Variants in ITM2B observed in about 807,000 individuals in gnomAD.
ITM2B encodes the protein ABri/ADan amyloid peptide.
A neutral mutation model predicts 27.8 loss-of-function variants in ITM2B; 11 were observed. The ratio of observed to expected loss-of-function variants is 0.40; its 90% CI spans 0.25 to 0.66. ITM2B has a LOEUF of 0.66. Among genes scored for constraint, ITM2B ranks in the 30% least tolerant of loss-of-function variants. The probability of loss-of-function intolerance (pLI) is 0.43; values close to 1 mark genes in which losing one functional copy is unlikely to be tolerated. For missense variants in ITM2B, 296 were observed against 328.9 expected (o/e 0.90, Z 0.77); for synonymous variants, 114 against 114.3 (o/e 1.00, Z 0.02).
chr13:48,269,591 C>G lies in ITM2B; in HGVS notation c.*8367C>G, dbSNP rs1394519097. ...TACAGCCACACAGCTGCCTCACTTT[C>G]CTTTGAACGTACCAAGGGCAATCCT... On this transcript the variant is annotated 3_prime_UTR_variant, in exon 6 of 6. Transcript: ENST00000647800. The G allele has an allele frequency of 6.6e-6, 1 of 152,498 alleles. No individual in the cohort carries two copies. The highest frequency in any genetic ancestry group is 1.5e-5 in the Non-Finnish European group (1 of 68,214). The allele number at this position is 152,498 out of a possible 1,614,324, so 9.4% of individuals were successfully genotyped here.
rs1486656863 is a variant in ITM2B at position 48,265,551 on chromosome 13, A to C, written c.*4327A>C. 1 of 152,460 alleles carries C rather than the reference A, an allele frequency of 6.6e-6. No homozygotes were observed. Among genetic ancestry groups the C allele is most frequent in the African/African-American group, 2.4e-5 (1 of 41,416 alleles). 9.4% of individuals were successfully genotyped at this position (152,460 alleles called of 1,614,324 possible). The stretch of plus-strand genomic sequence containing the variant: ...GTTTCATTGTCACACCCCAGCTTAA[A>C]ACACTTTCCTGGCTTCCCCTGGTTC... On this transcript the variant is annotated 3_prime_UTR_variant, in exon 6 of 6. Transcript: ENST00000647800.
rs1303539566 is a variant in ITM2B, at chr13:48,261,871, C to CT, written c.*648dup. On this transcript the variant is annotated 3_prime_UTR_variant, in exon 6 of 6. Coordinates refer to ENST00000647800, the MANE Select transcript of ITM2B (RefSeq NM_021999.5). ...ATATAAATATCACAAAGTTGTTTAA[C>CT]TAGACTGCGTGTTGTTTTTCCCGTA... 1.3e-5 allele frequency: 2 copies of CT among 152,542 alleles called. No individual in the cohort carries two copies. The highest frequency in any genetic ancestry group is 2.9e-5 in the Non-Finnish European group (2 of 67,974). 9.4% of individuals were successfully genotyped at this position (152,542 alleles called of 1,614,324 possible).
rs528971441 is a variant in ITM2B, at chr13:48,243,984, A to G, written c.118-9824A>G. The stretch of plus-strand genomic sequence containing the variant: ...GTTTGAGTCAGTTTCCTTAAGCAGC[A>G]CATAGAGTCAAGATAATATTCAGAC... On this transcript the variant is annotated intron_variant, in intron 1 of 5. Transcript: ENST00000647800. Among the ~76,000 whole-genome samples the G allele has an allele frequency of 3.9e-5, 6 of 152,328 alleles. No individual in the cohort carries two copies. In the East Asian group the frequency reaches 1.2e-3, roughly 29 times the overall value.
At position 48,233,241 on chromosome 13, in the gene ITM2B, C is replaced by A; in HGVS notation, c.-120C>A. 1.7e-6 allele frequency: 1 copy of A among 585,164 alleles called. No individual in the cohort carries two copies. Among genetic ancestry groups the A allele is most frequent in the Non-Finnish European group, 2.9e-6 (1 of 346,228 alleles). 36.2% of individuals were successfully genotyped at this position (585,164 alleles called of 1,614,324 possible). ...TCTGCCGCCGCGGAGCTTCCCGAAC[C>A]TCTTCAGCCGCCCGGAGCCGCTCCC... On this transcript the variant is annotated 5_prime_UTR_variant, in exon 1 of 6. Coordinates refer to ENST00000647800, the MANE Select transcript of ITM2B (RefSeq NM_021999.5).
intron 3 of ITM2B, among the ~76,000 whole-genome samples, chr13:48,257,755 C>G (rs188748600): frequency 1.3e-5 from 2 of 152,070 alleles, no homozygotes; most frequent in Admixed American, 6.6e-5. Flanking sequence ...TGGTAGTATT[C>G]AAGATACATA....
Position 48,261,131 on chromosome 13 carries a change from T to A in ITM2B, c.716-8T>A. On this transcript the variant is annotated splice_region_variant and splice_polypyrimidine_tract_variant and intron_variant, in intron 5 of 5. Coordinates refer to ENST00000647800, the MANE Select transcript of ITM2B (RefSeq NM_021999.5). Reference sequence around the variant, plus strand: ...AAATTTTAAAAAACTTTTTTCCCTCTCCAACAGGTATTCAGAAACGTGAAG... The same window carrying A: ...AAATTTTAAAAAACTTTTTTCCCTCACCAACAGGTATTCAGAAACGTGAAG... The A allele has an allele frequency of 6.2e-7, 1 of 1,606,226 alleles. No homozygotes were observed. Among genetic ancestry groups the A allele is most frequent in the African/African-American group, 1.3e-5 (1 of 74,892 alleles).
intron 1 of ITM2B, among the ~76,000 whole-genome samples, chr13:48,241,811 A>G (rs1014546396): frequency 6.6e-6 from 1 of 152,178 alleles, no homozygotes; most frequent in African/African-American, 2.4e-5. Context: ...GCACTGTACA[A>G]TTTTTATTGT....
intron 1 of ITM2B, among the ~76,000 whole-genome samples, chr13:48,242,707 T>C (rs1319185576): frequency 6.6e-6 from 1 of 152,202 alleles, no homozygotes; most frequent in Non-Finnish European, 1.5e-5. Context: ...TCTTCTAATG[T>C]GATGCCATTC....
Position 48,261,266 on chromosome 13 carries a change from C to T in ITM2B, c.*42C>T, listed in dbSNP as rs1217606652. ...TTATTGAGGAAAATTAATATCACAG[C>T]ATAACCCCACCCTTTACATTTTGTG... On this transcript the variant is annotated 3_prime_UTR_variant, in exon 6 of 6. Coordinates refer to ENST00000647800, the MANE Select transcript of ITM2B (RefSeq NM_021999.5). 10 of 1,277,868 alleles carry T rather than the reference C, an allele frequency of 7.8e-6. No individual in the cohort carries two copies. In the South Asian group the frequency reaches 1.2e-4, roughly 15 times the overall value. 79.2% of individuals were successfully genotyped at this position (1,277,868 alleles called of 1,614,324 possible).
intron 1 of ITM2B, among the ~76,000 whole-genome samples, chr13:48,244,926 T>C (rs1951716623): frequency 6.6e-6 from 1 of 152,234 alleles, no homozygotes; most frequent in East Asian, 1.9e-4. Flanking sequence ...TATAATGCTG[T>C]TGTTTATGAA....
chr13:48,243,269 TTG>T (rs1176006247), intron 1 of ITM2B, among the ~76,000 whole-genome samples: 2 of 152,214 alleles, frequency 1.3e-5, no homozygotes, highest in African/African-American at 4.8e-5. Context: ...AGTTTCATTT[TTG>T]TAATTAATAT....
At chr13:48,242,212 A>G (rs557932233) in intron 1 of ITM2B, among the ~76,000 whole-genome samples, 1 of 152,068 alleles carries the variant, frequency 6.6e-6, no homozygotes, top group Admixed American at 6.6e-5. Flanking sequence ...GTATACTTTT[A>G]TTTTACTTCC....
At position 48,266,232 on chromosome 13, in the gene ITM2B, C is replaced by T. The variant is rs1951852839; in HGVS notation, c.*5008C>T. 1 of 152,122 alleles carries T rather than the reference C, an allele frequency of 6.6e-6. No individual in the cohort carries two copies. The highest frequency in any genetic ancestry group is 1.5e-5 in the Non-Finnish European group (1 of 68,042). The allele number at this position is 152,122 out of a possible 1,614,324, so 9.4% of individuals were successfully genotyped here. ...AAAATCCTGCCCTCACTAGACTTCT[C>T]TCACCATTTCTCTGTTTGCATCCTA... is the stretch of plus-strand genomic sequence containing the variant. On this transcript the variant is annotated 3_prime_UTR_variant, in exon 6 of 6. Transcript: ENST00000647800.
chr13:48,242,588 C>T (rs996655697), intron 1 of ITM2B, among the ~76,000 whole-genome samples: 7 of 152,138 alleles, frequency 4.6e-5, no homozygotes, highest in South Asian at 2.1e-4. Context: ...AAAAATCTTA[C>T]GTGTCTCAGA....
chr13:48,265,814 A>T lies in ITM2B; in HGVS notation c.*4590A>T, dbSNP rs1566166127. The T allele has an allele frequency of 1.3e-5, 2 of 152,162 alleles. No individual in the cohort carries two copies. The highest frequency in any genetic ancestry group is 2.9e-5 in the Non-Finnish European group (2 of 68,030). 9.4% of individuals were successfully genotyped at this position (152,162 alleles called of 1,614,324 possible). ...GTTCAGGTGACCCTTCCTCAAGAGA[A>T]GATTTTCCTGAACCATTAGGAAAGG... is the stretch of plus-strand genomic sequence containing the variant. On this transcript the variant is annotated 3_prime_UTR_variant, in exon 6 of 6. Coordinates refer to ENST00000647800, the MANE Select transcript of ITM2B (RefSeq NM_021999.5).
At chr13:48,258,077 C>T (rs761820578) in intron 3 of ITM2B, 49 bp from the exon 4 acceptor site, 3 of 868,828 alleles carry the variant, frequency 3.5e-6, no homozygotes, top group South Asian at 2.6e-5. Context: ...CAGTTGCTGC[C>T]TGTTTTTGCA....
intron 2 of ITM2B, 86 bp downstream of exon 2, chr13:48,254,022 GCTAAGCTTGTA>G (rs1395881210): frequency 3.0e-6 from 4 of 1,321,924 alleles, no homozygotes; most frequent in Non-Finnish European, 4.3e-6. Context: ...TACAACTTGC[GCTAAGCTTGTA>G]CTTTTTATCT....
chr13:48,257,288 A>G (rs1951795434), intron 3 of ITM2B, among the ~76,000 whole-genome samples: 1 of 152,194 alleles, frequency 6.6e-6, no homozygotes, highest in Admixed American at 6.5e-5. Flanking sequence ...GATAAGAGGG[A>G]CTACTGTATT....
chr13:48,261,291 G>A lies in ITM2B; in HGVS notation c.*67G>A, dbSNP rs1345730242. On this transcript the variant is annotated 3_prime_UTR_variant, in exon 6 of 6. Transcript: ENST00000647800. ...CATAACCCCACCCTTTACATTTTGT[G>A]CAGTGATTATTTTTTAAAGTCTTCT... 2 of 1,094,478 alleles carry A rather than the reference G, an allele frequency of 1.8e-6. No individual in the cohort carries two copies. Among genetic ancestry groups the A allele is most frequent in the Non-Finnish European group, 2.8e-6 (2 of 713,746 alleles). The allele number at this position is 1,094,478 out of a possible 1,614,324, so 67.8% of individuals were successfully genotyped here. A position where few individuals can be genotyped will look rare whatever the true frequency, so the allele number is the denominator to read the frequency against.
Sources: gnomAD v4.1 joint callset for allele counts (sites outside exome capture counted in the v4.1 genomes callset) on GRCh38, gnomAD v4.1.1 for gene constraint, MANE v1.5 for transcripts, NCBI Gene and HGNC (gene_info 2026-07-23, HGNC 2026-07-21) for gene names.